ZFHX3: variants seen among roughly 807,000 people sequenced by gnomAD.
ZFHX3 encodes the protein zinc finger homeobox 3, also known as zinc finger homeobox protein 3.
Under a neutral mutation model 279.1 loss-of-function variants are expected in ZFHX3, and 42 were observed. That is an observed-to-expected ratio of 0.15 (90% CI 0.12 to 0.19). The LOEUF is 0.19. Among genes scored for constraint, ZFHX3 ranks in the 10% least tolerant of loss-of-function variants. The pLI is 1.00. For synonymous variants in ZFHX3, 2,293 were observed against 1,957.8 expected (o/e 1.17, Z -4.52); for missense variants, 4,981 against 4,754.0 (o/e 1.05, Z -1.40).
intron 1 of ZFHX3, among the ~76,000 whole-genome samples, chr16:73,865,197 A>G (rs1850810845): frequency 6.6e-6 from 1 of 152,238 alleles, no homozygotes; most frequent in Non-Finnish European, 1.5e-5. Context: ...TTGTTGACCC[A>G]CAGATTTGTG....
chr16:73,570,028 T>A (rs1048685908), intron 2 of ZFHX3, among the ~76,000 whole-genome samples: 6 of 152,224 alleles, frequency 3.9e-5, no homozygotes, highest in Non-Finnish European at 8.8e-5. Context: ...ATTCCTTGAA[T>A]ATTAAAAGTC....
chr16:73,326,373 G>A (rs1195451831), intron 3 of ZFHX3, among the ~76,000 whole-genome samples: 5 of 152,132 alleles, frequency 3.3e-5, no homozygotes, highest in African/African-American at 7.2e-5. Context: ...ATTCTGAGCC[G>A]ACTTTCCAGT....
intron 1 of ZFHX3, among the ~76,000 whole-genome samples, chr16:73,042,479 T>C (rs1965154430): frequency 6.6e-6 from 1 of 152,008 alleles, no homozygotes. Context: ...AACTGTTCTT[T>C]TGCCTCCTCC....
chr16:72,788,934 C>T (rs2035583921), intron 9 of ZFHX3, 86 bp from the exon 10 acceptor site: 3 of 1,489,010 alleles, frequency 2.0e-6, no homozygotes, highest in Middle Eastern at 1.9e-4. Flanking sequence ...GTCACTGGCA[C>T]ACAGTTTGAG....
chr16:73,387,511 T>C (rs1351412173), intron 3 of ZFHX3, among the ~76,000 whole-genome samples: 1 of 152,114 alleles, frequency 6.6e-6, no homozygotes, highest in African/African-American at 2.4e-5. Context: ...GTTTTTTTGT[T>C]TTTTTGTTTT....
intron 1 of ZFHX3, among the ~76,000 whole-genome samples, chr16:73,881,152 G>C (rs890734467): frequency 7.2e-5 from 11 of 152,058 alleles, no homozygotes; most frequent in African/African-American, 2.7e-4. Context: ...TTCAGAATAA[G>C]TCTATAGATG....
intron 7 of ZFHX3, among the ~76,000 whole-genome samples, chr16:73,100,128 T>C (rs1057053463): frequency 4.6e-5 from 7 of 152,310 alleles, no homozygotes; most frequent in Admixed American, 2.6e-4. Flanking sequence ...ATTGAGCCTC[T>C]CATTAAAAAC....
chr16:72,950,066 C>T (rs1271919708), intron 3 of ZFHX3, among the ~76,000 whole-genome samples: 7 of 131,414 alleles, frequency 5.3e-5, no homozygotes, highest in African/African-American at 1.7e-4. Flanking sequence ...CAGGAGCATC[C>T]GGGAAAGGAG....
chr16:73,602,950 A>AAATCACCAT (rs2052136545), intron 2 of ZFHX3, among the ~76,000 whole-genome samples: 1 of 148,088 alleles, frequency 6.8e-6, no homozygotes, highest in African/African-American at 2.5e-5. Context: ...AAAAAAAAAA[A>AAATCACCAT]ATCACCATCT....
chr16:72,955,302 T>A (rs1283571485), intron 2 of ZFHX3, among the ~76,000 whole-genome samples: 1 of 152,146 alleles, frequency 6.6e-6, no homozygotes, highest in Non-Finnish European at 1.5e-5. Context: ...CTAAGAAATA[T>A]GGTGTGGCCC....
intron 3 of ZFHX3, among the ~76,000 whole-genome samples, chr16:73,404,896 G>A (rs1423281714): frequency 1.3e-5 from 2 of 152,268 alleles, no homozygotes; most frequent in East Asian, 3.9e-4. Context: ...TTGGTCCTCA[G>A]AGCCACAAAT....
At chr16:73,570,274 T>C (rs1050408540) in intron 2 of ZFHX3, among the ~76,000 whole-genome samples, 3 of 152,254 alleles carry the variant, frequency 2.0e-5, no homozygotes, top group Admixed American at 2.0e-4. Context: ...AATGTGTCCC[T>C]AATGGGTGCT....
intron 5 of ZFHX3, among the ~76,000 whole-genome samples, chr16:73,152,723 A>G (rs1476424009): frequency 1.1e-4 from 17 of 150,638 alleles, no homozygotes; most frequent in Admixed American, 1.1e-3. Flanking sequence ...TGCTATAGGA[A>G]AATGAAAAGA....
intron 3 of ZFHX3, among the ~76,000 whole-genome samples, chr16:72,908,810 T>A (rs538248103): frequency 3.0e-4 from 46 of 152,342 alleles, no homozygotes; most frequent in East Asian, 2.3e-3. Context: ...ATGAAGCAGC[T>A]AATAATGACT....
intron 3 of ZFHX3, among the ~76,000 whole-genome samples, chr16:73,391,047 C>A (rs954946946): frequency 1.3e-5 from 2 of 151,954 alleles, no homozygotes; most frequent in African/African-American, 2.4e-5. Context: ...TGAGTCAGGG[C>A]CTGTAAAAGT....
At chr16:73,710,284 G>T (rs2053346279) in intron 1 of ZFHX3, among the ~76,000 whole-genome samples, 1 of 152,200 alleles carries the variant, frequency 6.6e-6, no homozygotes, top group South Asian at 2.1e-4. Context: ...ACTTATTAAA[G>T]ATCTGTAAAT....
In ZFHX3 at chr16:72,787,455, G is replaced by C. The variant is rs778133993; in HGVS notation, c.10821C>G (p.Ser3607=). The change falls in exon 10 of 10, where the codon TCC becomes TCG. Residue 3607 remains serine, a synonymous_variant. Coordinates refer to ENST00000268489, the MANE Select transcript of ZFHX3 (RefSeq NM_006885.4). Reference sequence around the variant, plus strand: ...ACTTCCTGGAGGCGTGGGGGGAAGCGGAGGAGGGGGCGGCGGCCGACGGGG... The same window carrying C: ...ACTTCCTGGAGGCGTGGGGGGAAGCCGAGGAGGGGGCGGCGGCCGACGGGG... ...PPPPSAAAPS[S]ASPHASRKSW... The C allele has an allele frequency of 1.2e-6, 2 of 1,604,802 alleles. No individual in the cohort carries two copies. Among genetic ancestry groups the C allele is most frequent in the Non-Finnish European group, 1.7e-6 (2 of 1,174,330 alleles).
chr16:73,070,938 G>GCGCACACACA (rs1213455130), intron 8 of ZFHX3, among the ~76,000 whole-genome samples: 3 of 22,614 alleles, frequency 1.3e-4, no homozygotes, highest in African/African-American at 2.6e-4. Context: ...GCGCGCGCGC[G>GCGCACACACA]CACACACACA....
intron 2 of ZFHX3, among the ~76,000 whole-genome samples, chr16:73,461,670 C>T (rs532593974): frequency 6.6e-6 from 1 of 152,096 alleles, no homozygotes; most frequent in Non-Finnish European, 1.5e-5. Flanking sequence ...TGCTTTTATA[C>T]CTTTGTCAAA....
Sources: allele counts gnomAD v4.1 joint callset (sites outside exome capture counted in the v4.1 genomes callset), GRCh38; gene constraint gnomAD v4.1.1; transcripts MANE v1.5; gene names NCBI Gene and HGNC (gene_info 2026-07-23, HGNC 2026-07-21).